The following TCIRG1 variants were observed in gnomAD, a reference collection of about 807,000 sequenced individuals.
The protein encoded by TCIRG1 is V-type proton ATPase 116 kDa subunit a 3.
TCIRG1 carries 86 observed loss-of-function variants against 95.5 expected under a neutral mutation model. The ratio of observed to expected loss-of-function variants is 0.90; its 90% confidence interval spans 0.76 to 1.08. The LOEUF (loss-of-function observed/expected upper bound fraction) is 1.08, where lower values mean the gene tolerates loss of function less well. TCIRG1 is among the 50% of genes least tolerant of loss of function. The pLI is 0.00. For synonymous variants in TCIRG1, 499 were observed against 501.3 expected (o/e 1.00, Z 0.06); for missense variants, 1,069 against 1,140.2 (o/e 0.94, Z 0.90).
Position 68,049,656 on chromosome 11 carries a change from C to T in TCIRG1, c.1888-7C>T. On this transcript the variant is annotated splice_polypyrimidine_tract_variant and splice_region_variant and intron_variant, in intron 15 of 19. Transcript: ENST00000265686. ...GGACGCCCTGACTCTCGCCCTCTCC[C>T]TGGCAGGAGGTGGTCCAGGCCACGC... The T allele has an allele frequency of 6.2e-7, 1 of 1,600,050 alleles. No individual in the cohort carries two copies. The highest frequency in any genetic ancestry group is 8.5e-7 in the Non-Finnish European group (1 of 1,179,140).
chr11:68,043,235 C>G, intron 5 of TCIRG1, 136 bp from the exon 6 acceptor site: 1 of 1,474,468 alleles, frequency 6.8e-7, no homozygotes, highest in Non-Finnish European at 9.0e-7. Context: ...GGGAGGCCTC[C>G]TGCCTTCCCC....
chr11:68,043,638 G>T lies in TCIRG1; in HGVS notation c.698G>T (p.Arg233Leu), dbSNP rs769348368. 5.6e-6 allele frequency: 9 copies of T among 1,609,568 alleles called. No individual in the cohort carries two copies. Among genetic ancestry groups the T allele is most frequent in the Non-Finnish European group, 7.6e-6 (9 of 1,178,372 alleles). The change falls in exon 7 of 20, where the codon CGC becomes CTC. Residue 233 changes from arginine (R) to leucine (L), a missense_variant. Physicochemically the swap from Arg to Leu is moderately radical, Grantham distance 102 (BLOSUM62 -2). Coordinates refer to ENST00000265686, the MANE Select transcript of TCIRG1 (RefSeq NM_006019.4). ...GGTGAGCAGATCGGACAGAAGATCC[G>T]CAAGATCACGGACTGGTGAGTCACT... ...YWGEQIGQKI[R>L]KITDCFHCHV... is the part of the protein sequence containing the mutation.
chr11:68,042,767 G>A lies in TCIRG1; in HGVS notation c.321G>A (p.Glu107=). The A allele has an allele frequency of 6.5e-7, 1 of 1,547,806 alleles. No homozygotes were observed. The highest frequency in any genetic ancestry group is 1.2e-5 in the South Asian group (1 of 83,948). Residue 107 remains glutamate, a synonymous_variant, in exon 4 of 20, where the codon GAG becomes GAA. Coordinates refer to ENST00000265686, the MANE Select transcript of TCIRG1 (RefSeq NM_006019.4). ...IQEETERLAQ[E]LRDVRGNQQA... is the part of the protein sequence containing the mutation. ...AGGAGACGGAGCGCCTGGCCCAGGAGCTGCGGGATGTGCGGGGCAACCAGC... is the reference window on the plus strand; with the variant it reads ...AGGAGACGGAGCGCCTGGCCCAGGAACTGCGGGATGTGCGGGGCAACCAGC...
In TCIRG1 at chr11:68,049,791, G is replaced by T. The variant is rs747702296; in HGVS notation, c.2013+3G>T. The stretch of plus-strand genomic sequence containing the variant: ...GGAGGAGGCCCGCTGACCGACAGGT[G>T]GGACCGGGGCCTAAGGTGTGGGGGG... On this transcript the variant is annotated splice_donor_region_variant and intron_variant, in intron 16 of 19. Transcript: ENST00000265686. 7 of 1,568,172 alleles carry T rather than the reference G, an allele frequency of 4.5e-6. No individual in the cohort carries two copies. The East Asian group carries it at 1.6e-4, about 36-fold the overall frequency.
At chr11:68,044,065 T>C in intron 8 of TCIRG1, 67 bp from the exon 9 acceptor site, 1 of 1,435,954 alleles carries the variant, frequency 7.0e-7, no homozygotes, top group Non-Finnish European at 9.5e-7. Context: ...GTGCAGGAGG[T>C]GGGTGCCCCC....
chr11:68,040,441 A>G (rs534114472), intron 1 of TCIRG1, among the ~76,000 whole-genome samples: 2 of 152,218 alleles, frequency 1.3e-5, no homozygotes, highest in African/African-American at 4.8e-5. Flanking sequence ...CCCTGTTTAG[A>G]GTTAAGTAAA....
chr11:68,052,954 AAGTC>A (rs1446830035), downstream of TCIRG1: 3 of 152,600 alleles, frequency 2.0e-5, no homozygotes, highest in Non-Finnish European at 4.4e-5. Flanking sequence ...GAGTAAAAAA[AAGTC>A]AGCTAAGACT....
At chr11:68,044,509 G>A (rs756621072) in intron 9 of TCIRG1, among the ~76,000 whole-genome samples, 165 bp downstream of exon 9, 18 of 152,170 alleles carry the variant, frequency 1.2e-4, no homozygotes, top group Non-Finnish European at 2.4e-4. Flanking sequence ...AGTCTGCCCT[G>A]ATGGCCCTGG....
At chr11:68,040,503 C>T (rs556283037) in intron 1 of TCIRG1, among the ~76,000 whole-genome samples, 1 of 152,194 alleles carries the variant, frequency 6.6e-6, no homozygotes, top group African/African-American at 2.4e-5. Context: ...CCTGACCAGG[C>T]CTGTCCCCTC....
chr11:68,044,265 C>T lies in TCIRG1; in HGVS notation c.941C>T (p.Thr314Met), dbSNP rs367818260. The T allele has an allele frequency of 4.2e-5, 68 of 1,604,210 alleles. No individual in the cohort carries two copies. The highest frequency in any genetic ancestry group is 3.4e-5 in the Admixed American group (2 of 58,790). The change falls in exon 9 of 20, where the codon ACG becomes ATG. Residue 314 changes from threonine to methionine, a missense_variant. Transcript: ENST00000265686. ...LALNQCSVST[T>M]HKCLIAEAWC... is the part of the protein sequence containing the mutation. ...CTGAACCAGTGCAGCGTGAGCACCA[C>T]GCACAAGTGCCTCATTGCCGAGGCC...
chr11:68,039,418 A>C (rs1855055949), intron 1 of TCIRG1, among the ~76,000 whole-genome samples: 1 of 152,114 alleles, frequency 6.6e-6, no homozygotes, highest in Admixed American at 6.5e-5. Flanking sequence ...AGCTGAGACC[A>C]CACAACTAGG....
chr11:68,044,679 G>A (rs941582764), intron 9 of TCIRG1: 46 of 584,092 alleles, frequency 7.9e-5, no homozygotes, highest in Non-Finnish European at 1.2e-4. Flanking sequence ...GTCACCCGCC[G>A]CGCACAGCAG....
chr11:68,047,423 C>G lies in TCIRG1; in HGVS notation c.1166-10C>G. On this transcript the variant is annotated splice_polypyrimidine_tract_variant and intron_variant, in intron 10 of 19. Transcript: ENST00000265686. The stretch of plus-strand genomic sequence containing the variant: ...TCGGGGGTTCCCAGCTCACCCACCT[C>G]TGCCCACAGCTCCCTACACCATCAT... 6.2e-7 allele frequency: 1 copy of G among 1,613,806 alleles called. No individual in the cohort carries two copies. The highest frequency in any genetic ancestry group is 1.3e-5 in the African/African-American group (1 of 75,012).
At position 68,044,004 on chromosome 11, in the gene TCIRG1, CAGG is replaced by C. The variant is rs1855329931; in HGVS notation, c.807+101_807+103del. The stretch of plus-strand genomic sequence containing the variant: ...GAGGTGGGTGCCCTGGCCTGGCCTC[CAGG>C]AGGTGGGTGCAGGAGGTGGGTGCCC... On this transcript the variant is annotated intron_variant, in intron 8 of 19. Coordinates refer to ENST00000265686, the MANE Select transcript of TCIRG1 (RefSeq NM_006019.4). 8 of 1,315,498 alleles carry C rather than the reference CAGG, an allele frequency of 6.1e-6. No individual in the cohort carries two copies. The South Asian group carries it at 8.9e-5, about 15-fold the overall frequency. The allele number at this position is 1,315,498 out of a possible 1,614,324, so 81.5% of individuals were successfully genotyped here.
chr11:68,046,228 C>CG (rs1565158710), intron 10 of TCIRG1, among the ~76,000 whole-genome samples: 1 of 152,098 alleles, frequency 6.6e-6, no homozygotes, highest in African/African-American at 2.4e-5. Context: ...CAGCAGGGGC[C>CG]GGGGGCACTG....
Position 68,050,134 on chromosome 11 carries a change from C to T in TCIRG1, c.2119-3C>T, listed in dbSNP as rs1313890680. ...GCCGGCCCTCACTGCACCCGCCCCGCAGCTCGTCCCCTCCGAGGTGCTCAT... is the reference window on the plus strand; with the variant it reads ...GCCGGCCCTCACTGCACCCGCCCCGTAGCTCGTCCCCTCCGAGGTGCTCAT... On this transcript the variant is annotated splice_region_variant and splice_polypyrimidine_tract_variant and intron_variant, in intron 17 of 19. Coordinates refer to ENST00000265686, the MANE Select transcript of TCIRG1 (RefSeq NM_006019.4). 6.2e-7 allele frequency: 1 copy of T among 1,613,096 alleles called. No homozygotes were observed. Among genetic ancestry groups the T allele is most frequent in the Non-Finnish European group, 8.5e-7 (1 of 1,179,896 alleles).
chr11:68,049,531 G>A (rs781386776), intron 15 of TCIRG1, 132 bp from the exon 16 acceptor site: 39 of 1,303,304 alleles, frequency 3.0e-5, no homozygotes, highest in Non-Finnish European at 4.0e-5. Context: ...ACCCAGTGAG[G>A]GCACGGAGCC....
chr11:68,051,832 G>A (rs927418148), downstream of TCIRG1, among the ~76,000 whole-genome samples: 33 of 152,348 alleles, frequency 2.2e-4, no homozygotes, highest in African/African-American at 7.5e-4. Flanking sequence ...CCTGGGGAGA[G>A]AGCTGGGCAG....
At chr11:68,041,908 G>A (rs751017708) in intron 3 of TCIRG1, 77 bp downstream of exon 3, 165 of 1,365,378 alleles carry the variant, frequency 1.2e-4, no homozygotes, top group Non-Finnish European at 1.6e-4. Flanking sequence ...GAAAGGAAGA[G>A]TCTGGGTTTG....
Sources: gnomAD v4.1 joint callset for allele counts (sites outside exome capture counted in the v4.1 genomes callset) on GRCh38, gnomAD v4.1.1 for gene constraint, MANE v1.5 for transcripts, NCBI Gene and HGNC (gene_info 2026-07-23, HGNC 2026-07-21) for gene names.